The following DIAPH2 variants were observed in gnomAD, a reference collection of about 807,000 sequenced individuals.
The protein encoded by DIAPH2 is diaphanous related formin 2.
A neutral mutation model predicts 92.7 loss-of-function variants in DIAPH2; 35 were observed. The observed-to-expected ratio is 0.38, with a 90% CI of 0.29 to 0.50. The LOEUF is 0.50. Among genes scored for constraint, DIAPH2 ranks in the 20% least tolerant of loss-of-function variants. The pLI is 0.94. For missense variants in DIAPH2, 701 were observed against 819.5 expected, an observed-to-expected ratio of 0.86 and a Z score of 1.77; for synonymous variants, 301 against 280.4, an observed-to-expected ratio of 1.07 and a Z score of -0.73.
At chrX:97,334,669 T>TA (rs1334885514) in intron 23 of DIAPH2, among the ~76,000 whole-genome samples, 2 of 100,472 alleles carry the variant, frequency 2.0e-5, no homozygotes, top group African/African-American at 7.3e-5. Flanking sequence ...CATGCTAGTT[T>TA]AAAAAAACAA....
chrX:97,246,054 C>A (rs2068139668), intron 22 of DIAPH2, among the ~76,000 whole-genome samples: 1 of 107,664 alleles, frequency 9.3e-6, no homozygotes, highest in Non-Finnish European at 1.9e-5. Context: ...AGGCACCCAC[C>A]ACCAGGCCTG....
Position 96,937,305 on chromosome X carries a change from C to T in DIAPH2, c.1162C>T (p.Leu388=), listed in dbSNP as rs2065663749. The change falls in exon 11 of 27, where the codon CTA becomes TTA. Residue 388 remains leucine, a synonymous_variant. Coordinates refer to ENST00000324765, the MANE Select transcript of DIAPH2 (RefSeq NM_006729.5). ...KVFDENKEDD[L]TELSHRLNDI... The stretch of plus-strand genomic sequence containing the variant: ...ATTTGATGAAAACAAAGAAGATGAC[C>T]TAACTGAATTATCACACCGTCTCAA... 1 of 1,158,517 alleles carries T rather than the reference C, an allele frequency of 8.6e-7. No homozygotes were observed. Among genetic ancestry groups the T allele is most frequent in the African/African-American group, 1.8e-5 (1 of 56,449 alleles).
At chrX:96,875,234 G>A (rs1432864059) in intron 4 of DIAPH2, among the ~76,000 whole-genome samples, 1 of 111,696 alleles carries the variant, frequency 9.0e-6, no homozygotes, top group Non-Finnish European at 1.9e-5. Flanking sequence ...AAACACTTCT[G>A]GTCCCAAGCA....
chrX:97,252,420 T>A (rs945302945), intron 23 of DIAPH2, among the ~76,000 whole-genome samples: 13 of 111,910 alleles, frequency 1.2e-4, no homozygotes, highest in Non-Finnish European at 2.3e-4. Context: ...TCATTTGAAG[T>A]GGTTACAAAT....
At chrX:97,507,345 A>G (rs2070844331) in intron 26 of DIAPH2, among the ~76,000 whole-genome samples, 1 of 110,756 alleles carries the variant, frequency 9.0e-6, no homozygotes, top group Non-Finnish European at 1.9e-5. Flanking sequence ...AAATATTTCC[A>G]TATGATGTAA....
chrX:97,264,002 G>T (rs1351022265), intron 23 of DIAPH2, among the ~76,000 whole-genome samples: 1 of 108,065 alleles, frequency 9.3e-6, no homozygotes, highest in Non-Finnish European at 1.9e-5. Flanking sequence ...GCTTACTGCA[G>T]CCTCGACCTC....
chrX:96,923,515 C>G (rs773495385), intron 9 of DIAPH2, among the ~76,000 whole-genome samples: 6 of 112,080 alleles, frequency 5.4e-5, no homozygotes, highest in African/African-American at 1.9e-4. Context: ...ATGGTGAGAA[C>G]GACTTTTTGG....
At chrX:97,154,030 CA>C (rs1366820789) in intron 22 of DIAPH2, among the ~76,000 whole-genome samples, 1 of 111,478 alleles carries the variant, frequency 9.0e-6, no homozygotes, top group African/African-American at 3.3e-5. Flanking sequence ...GCCAGGTCTT[CA>C]AAAAAATTTT....
intron 4 of DIAPH2, among the ~76,000 whole-genome samples, chrX:96,823,274 A>T (rs2064790524): frequency 9.0e-6 from 1 of 111,703 alleles, no homozygotes; most frequent in East Asian, 2.8e-4. Context: ...ATGTATAAAA[A>T]ATATATCTGT....
At chrX:97,125,143 T>G (rs1213446353) in intron 21 of DIAPH2, among the ~76,000 whole-genome samples, 1 of 111,313 alleles carries the variant, frequency 9.0e-6, no homozygotes, top group Non-Finnish European at 1.9e-5. Flanking sequence ...AGTTAAATGT[T>G]CCTTTGTATA....
intron 4 of DIAPH2, among the ~76,000 whole-genome samples, chrX:96,786,303 A>G (rs978731862): frequency 9.0e-6 from 1 of 111,599 alleles, no homozygotes; most frequent in East Asian, 2.8e-4. Flanking sequence ...AGATGTTACT[A>G]TCCTACTGTA....
chrX:97,548,129 GA>G (rs1300195302), intron 26 of DIAPH2, among the ~76,000 whole-genome samples: 3 of 111,861 alleles, frequency 2.7e-5, no homozygotes, highest in Non-Finnish European at 3.8e-5. Context: ...CCCTTCTAGA[GA>G]AAAGAGCAGA....
At chrX:96,921,920 A>G (rs2065547985) in intron 9 of DIAPH2, among the ~76,000 whole-genome samples, 1 of 111,231 alleles carries the variant, frequency 9.0e-6, no homozygotes, top group South Asian at 3.8e-4. Flanking sequence ...TAGTTTTACA[A>G]TCCAACTGTG....
intron 21 of DIAPH2, among the ~76,000 whole-genome samples, chrX:97,131,579 A>C (rs1420443376): frequency 1.8e-5 from 2 of 112,098 alleles, no homozygotes; most frequent in African/African-American, 3.2e-5. Context: ...ATCTACTCTC[A>C]AACCTCATAC....
chrX:96,697,307 AT>A (rs2063830353), intron 1 of DIAPH2, among the ~76,000 whole-genome samples: 1 of 108,775 alleles, frequency 9.2e-6, no homozygotes, highest in Non-Finnish European at 1.9e-5. Context: ...CTCCAAGCAG[AT>A]GAGTAACTGG....
chrX:97,063,000 C>A (rs1369414391), intron 17 of DIAPH2, among the ~76,000 whole-genome samples: 1 of 101,503 alleles, frequency 9.9e-6, no homozygotes, highest in African/African-American at 3.6e-5. Context: ...TGCCACTCCT[C>A]TCCAGCCTGA....
chrX:96,962,296 T>C (rs1364642889), intron 16 of DIAPH2, among the ~76,000 whole-genome samples: 23 of 60,025 alleles, frequency 3.8e-4, no homozygotes, highest in Admixed American at 5.6e-4. Flanking sequence ...CATATATATA[T>C]ATACATATAT....
chrX:97,258,985 C>G (rs191480234), intron 23 of DIAPH2, among the ~76,000 whole-genome samples: 10 of 110,970 alleles, frequency 9.0e-5, no homozygotes, highest in South Asian at 7.7e-4. Context: ...TGTGAACGCT[C>G]AACACAGACA....
intron 23 of DIAPH2, among the ~76,000 whole-genome samples, chrX:97,346,458 C>T (rs908499653): frequency 9.2e-6 from 1 of 109,084 alleles, no homozygotes; most frequent in African/African-American, 3.4e-5. Context: ...TGCCAGGCCA[C>T]TTCCTCTCCT....
Sources: allele counts gnomAD v4.1 joint callset (sites outside exome capture counted in the v4.1 genomes callset), GRCh38; gene constraint gnomAD v4.1.1; transcripts MANE v1.5; gene names NCBI Gene and HGNC (gene_info 2026-07-23, HGNC 2026-07-21).